The following ENTREP2 variants were observed in gnomAD, a reference collection of about 807,000 sequenced individuals.
ENTREP2 encodes the protein protein ENTREP2.
At chr15:29,374,080 C>T in the ENTREP2 span, 1 of 151,842 alleles carries the variant, frequency 6.6e-6, no homozygotes. Context: ...TGTTTTTATG[C>T]ATTTGCTAAA....
chr15:29,207,206 G>A, the ENTREP2 span, among the ~76,000 whole-genome samples: 5 of 152,044 alleles, frequency 3.3e-5, no homozygotes, highest in African/African-American at 1.2e-4. Context: ...CCATTATTGG[G>A]GTGTTTCCCC....
chr15:29,641,936 C>T, the ENTREP2 span, among the ~76,000 whole-genome samples: 1 of 150,884 alleles, frequency 6.6e-6, no homozygotes, highest in East Asian at 1.9e-4. Context: ...AAGTGCATAA[C>T]TTATGCTCTG....
chr15:29,296,963 T>C, the ENTREP2 span, among the ~76,000 whole-genome samples: 1 of 152,148 alleles, frequency 6.6e-6, no homozygotes, highest in Middle Eastern at 3.2e-3. Flanking sequence ...AATGAAGAAA[T>C]ATATGTCACA....
the ENTREP2 span, among the ~76,000 whole-genome samples, chr15:29,328,009 T>C: frequency 6.6e-6 from 1 of 152,348 alleles, no homozygotes; most frequent in African/African-American, 2.4e-5. Flanking sequence ...TTATTTTTAA[T>C]TGCCAAAAAC....
At chr15:29,348,052 G>A in the ENTREP2 span, among the ~76,000 whole-genome samples, 1 of 152,130 alleles carries the variant, frequency 6.6e-6, no homozygotes, top group South Asian at 2.1e-4. Flanking sequence ...AGGGGTGGGC[G>A]AGCTTACCAG....
chr15:29,401,681 A>C, the ENTREP2 span, among the ~76,000 whole-genome samples: 1 of 152,266 alleles, frequency 6.6e-6, no homozygotes, highest in Non-Finnish European at 1.5e-5. Context: ...ATACTAACAG[A>C]AACAGGCCAG....
At chr15:29,281,023 C>T in the ENTREP2 span, among the ~76,000 whole-genome samples, 2 of 152,152 alleles carry the variant, frequency 1.3e-5, no homozygotes, top group Non-Finnish European at 2.9e-5. Flanking sequence ...AATTGTTTAT[C>T]ATTATCCAAG....
chr15:29,246,703 CAA>C, the ENTREP2 span, among the ~76,000 whole-genome samples: 3 of 142,114 alleles, frequency 2.1e-5, no homozygotes, highest in African/African-American at 7.7e-5. Context: ...AACTCCATCT[CAA>C]AAAAAAAAAA....
the ENTREP2 span, among the ~76,000 whole-genome samples, chr15:29,657,487 G>T: frequency 2.4e-5 from 3 of 126,078 alleles, no homozygotes; most frequent in Non-Finnish European, 4.9e-5. Flanking sequence ...GGGGGGCGGG[G>T]GGGGGGGGTG....
the ENTREP2 span, among the ~76,000 whole-genome samples, chr15:29,284,310 C>T: frequency 6.6e-6 from 1 of 152,056 alleles, no homozygotes; most frequent in Non-Finnish European, 1.5e-5. Context: ...GTAATCCCAG[C>T]ACTTTGGGAG....
the ENTREP2 span, among the ~76,000 whole-genome samples, chr15:29,272,743 G>A: frequency 6.6e-6 from 1 of 152,108 alleles, no homozygotes; most frequent in South Asian, 2.1e-4. Flanking sequence ...GTGCATATGC[G>A]CAATTGCACT....
chr15:29,577,134 A>G, the ENTREP2 span, among the ~76,000 whole-genome samples: 1 of 152,030 alleles, frequency 6.6e-6, no homozygotes, highest in African/African-American at 2.4e-5. Flanking sequence ...AAAAAAAGAA[A>G]GAAAGAAAGG....
the ENTREP2 span, among the ~76,000 whole-genome samples, chr15:29,388,534 C>T: frequency 0.016 from 2,386 of 152,262 alleles, 70 homozygotes; most frequent in African/African-American, 0.055. Context: ...TAAACTAGTT[C>T]AACCATTGTG....
the ENTREP2 span, among the ~76,000 whole-genome samples, chr15:29,158,806 G>GC: frequency 9.2e-3 from 1,393 of 152,076 alleles, 19 homozygotes; most frequent in African/African-American, 0.031. Context: ...TGTTATTAAT[G>GC]TTATAAAGTT....
the ENTREP2 span, among the ~76,000 whole-genome samples, chr15:29,566,846 T>TACACACAC: frequency 0.15 from 21,234 of 145,986 alleles, 1,558 homozygotes; most frequent in Middle Eastern, 0.17. Context: ...AAAGGAAAAA[T>TACACACAC]ACACACACAC....
the ENTREP2 span, chr15:29,136,425 A>G: frequency 1.9e-6 from 3 of 1,544,332 alleles, no homozygotes; most frequent in East Asian, 2.5e-5. Context: ...TCAGCAGGAT[A>G]GAGCAGGCCG....
At chr15:29,545,251 A>G in the ENTREP2 span, among the ~76,000 whole-genome samples, 1 of 152,356 alleles carries the variant, frequency 6.6e-6, no homozygotes, top group Middle Eastern at 3.4e-3. Context: ...TTATGGAAAA[A>G]GTGAAAATCC....
At chr15:29,492,108 C>A in the ENTREP2 span, among the ~76,000 whole-genome samples, 1 of 151,512 alleles carries the variant, frequency 6.6e-6, no homozygotes, top group African/African-American at 2.4e-5. Context: ...CAGACAAAGG[C>A]AGCTAAAAGT....
At chr15:29,657,185 C>T in the ENTREP2 span, among the ~76,000 whole-genome samples, 41 of 152,022 alleles carry the variant, frequency 2.7e-4, no homozygotes, top group Admixed American at 2.4e-3. Context: ...GCAGCTGGGA[C>T]TACACGCGCC....
Sources: gnomAD v4.1 joint callset for allele counts (sites outside exome capture counted in the v4.1 genomes callset) on GRCh38, gnomAD v4.1.1 for gene constraint, MANE v1.5 for transcripts, NCBI Gene and HGNC (gene_info 2026-07-23, HGNC 2026-07-21) for gene names.